NCEH1: variants seen among roughly 807,000 people sequenced by gnomAD.
The protein encoded by NCEH1 is neutral cholesterol ester hydrolase 1.
Under a neutral mutation model 25.4 loss-of-function variants are expected in NCEH1, and 9 were observed. That is an observed-to-expected ratio of 0.35 (90% CI 0.21 to 0.62). The LOEUF (loss-of-function observed/expected upper bound fraction) is 0.62, where lower values mean the gene tolerates loss of function less well. Ranked by LOEUF, NCEH1 falls within the 20% of genes least tolerant of loss-of-function variation. The pLI is 0.72. For synonymous variants in NCEH1, 200 were observed against 199.8 expected (o/e 1.00, Z -0.01); for missense variants, 412 against 501.1 (o/e 0.82, Z 1.70).
chr3:172,689,766 T>C (rs189573296), intron 1 of NCEH1, among the ~76,000 whole-genome samples: 2 of 151,644 alleles, frequency 1.3e-5, no homozygotes, highest in Admixed American at 6.6e-5. Flanking sequence ...CTCAGGGTAG[T>C]ATAGTAAAAT....
intron 1 of NCEH1, among the ~76,000 whole-genome samples, chr3:172,689,065 C>A (rs2108526769): frequency 6.6e-6 from 1 of 152,216 alleles, no homozygotes; most frequent in East Asian, 1.9e-4. Context: ...TTGGTTTACT[C>A]CTTGACTACC....
intron 1 of NCEH1, 119 bp downstream of exon 1, chr3:172,710,728 C>G (rs1315015690): frequency 9.0e-7 from 1 of 1,107,934 alleles, no homozygotes; most frequent in East Asian, 2.6e-5. Context: ...CAAAAAGCGA[C>G]AGCCTCAATG....
At chr3:172,637,700 C>T (rs564210967) in intron 3 of NCEH1, among the ~76,000 whole-genome samples, 3 of 152,212 alleles carry the variant, frequency 2.0e-5, no homozygotes, top group East Asian at 1.9e-4. Context: ...ACCAGCCTGA[C>T]CAACATGGTG....
intron 1 of NCEH1, among the ~76,000 whole-genome samples, chr3:172,699,265 A>G (rs973048658): frequency 5.9e-5 from 9 of 152,318 alleles, no homozygotes; most frequent in Admixed American, 5.9e-4. Context: ...GGAGAAGCGT[A>G]AGCAGATTCA....
At chr3:172,666,738 G>A (rs1185805608) in intron 1 of NCEH1, among the ~76,000 whole-genome samples, 2 of 152,152 alleles carry the variant, frequency 1.3e-5, no homozygotes, top group African/African-American at 4.8e-5. Context: ...AAGGCTGTCT[G>A]CCGGCTATCC....
intron 1 of NCEH1, among the ~76,000 whole-genome samples, chr3:172,696,796 A>C (rs1460133572): frequency 6.6e-6 from 1 of 152,118 alleles, no homozygotes; most frequent in African/African-American, 2.4e-5. Flanking sequence ...TTCATTGTAC[A>C]CTCTCTTTAA....
At chr3:172,691,322 C>G (rs895533680) in intron 1 of NCEH1, among the ~76,000 whole-genome samples, 2 of 118,914 alleles carry the variant, frequency 1.7e-5, no homozygotes, top group African/African-American at 6.7e-5. Context: ...TAAGCTTTTA[C>G]TTTTAAAACT....
At chr3:172,695,303 A>G (rs1236093686) in intron 1 of NCEH1, among the ~76,000 whole-genome samples, 1 of 152,242 alleles carries the variant, frequency 6.6e-6, no homozygotes, top group East Asian at 1.9e-4. Flanking sequence ...ACTTTAATTT[A>G]ACAAAATGTC....
At chr3:172,639,514 C>G (rs1451168549) in intron 3 of NCEH1, among the ~76,000 whole-genome samples, 2 of 152,156 alleles carry the variant, frequency 1.3e-5, no homozygotes, top group African/African-American at 4.8e-5. Context: ...TATATCTGCT[C>G]TCTGCTGCTG....
chr3:172,666,471 G>A lies in NCEH1; in HGVS notation c.139-18357C>T, dbSNP rs77694460. Among the ~76,000 whole-genome samples the A allele has an allele frequency of 3.2e-3, 492 of 152,214 alleles. 4 individuals carry two copies. The highest frequency in any genetic ancestry group is 0.011 in the African/African-American group (467 of 41,518). On this transcript the variant is annotated intron_variant, in intron 1 of 4. Transcript: ENST00000475381. ...TCTGCCACACACCAAGTTTCTGTTT[G>A]TTCTAATCCCCCCTCCCTCTGTCTC...
intron 1 of NCEH1, among the ~76,000 whole-genome samples, chr3:172,692,524 A>T (rs1034255845): frequency 6.7e-6 from 1 of 148,302 alleles, no homozygotes; most frequent in African/African-American, 2.5e-5. Flanking sequence ...CACCTGGCTA[A>T]TTTTTTTTTT....
chr3:172,689,472 C>T (rs1421626321), intron 1 of NCEH1, among the ~76,000 whole-genome samples: 1 of 151,514 alleles, frequency 6.6e-6, no homozygotes, highest in Non-Finnish European at 1.5e-5. Context: ...GTCTCAAACT[C>T]CTGACCTCAG....
intron 1 of NCEH1, among the ~76,000 whole-genome samples, chr3:172,662,539 G>A (rs1718017558): frequency 6.6e-6 from 1 of 152,190 alleles, no homozygotes; most frequent in African/African-American, 2.4e-5. Flanking sequence ...CAGAAGGAAT[G>A]GTACCAGCTC....
intron 1 of NCEH1, among the ~76,000 whole-genome samples, chr3:172,660,617 C>T (rs889466136): frequency 1.2e-4 from 18 of 152,222 alleles, no homozygotes; most frequent in Non-Finnish European, 2.2e-4. Context: ...TCTTATTTCT[C>T]CACATCCTCT....
At chr3:172,640,739 C>G (rs967877517) in intron 3 of NCEH1, among the ~76,000 whole-genome samples, 1 of 152,166 alleles carries the variant, frequency 6.6e-6, no homozygotes, top group African/African-American at 2.4e-5. Flanking sequence ...GATCTCCTGA[C>G]CTCGTGATCC....
intron 1 of NCEH1, among the ~76,000 whole-genome samples, chr3:172,699,698 C>G (rs1713576210): frequency 6.6e-6 from 1 of 152,024 alleles, no homozygotes. Flanking sequence ...GACCTCATCT[C>G]TACAAAAAAT....
chr3:172,645,042 A>G (rs1372304417), intron 3 of NCEH1, among the ~76,000 whole-genome samples: 1 of 152,202 alleles, frequency 6.6e-6, no homozygotes, highest in African/African-American at 2.4e-5. Flanking sequence ...TACAAAAAAG[A>G]TGGCGTGATT....
At chr3:172,683,521 T>A (rs189176826) in intron 1 of NCEH1, among the ~76,000 whole-genome samples, 1 of 146,598 alleles carries the variant, frequency 6.8e-6, no homozygotes, top group Admixed American at 6.9e-5. Flanking sequence ...AAAAATAGAA[T>A]AAAATAAATT....
chr3:172,703,058 T>A (rs2108538638), intron 1 of NCEH1: 1 of 152,212 alleles, frequency 6.6e-6, no homozygotes, highest in East Asian at 1.9e-4. Flanking sequence ...TATATAAACA[T>A]AAAATGAAAG....
Sources: allele counts gnomAD v4.1 joint callset (sites outside exome capture counted in the v4.1 genomes callset), GRCh38; gene constraint gnomAD v4.1.1; transcripts MANE v1.5; gene names NCBI Gene and HGNC (gene_info 2026-07-23, HGNC 2026-07-21).